Variants in RPS29 observed in about 807,000 individuals in gnomAD.
The protein encoded by RPS29 is small ribosomal subunit protein uS14.
For synonymous variants in RPS29, 37 were observed against 26.9 expected (o/e 1.37, Z -1.16); for missense variants, 60 against 75.7 (o/e 0.79, Z 0.77).
At chr14:49,590,655 G>A (rs141501913), upstream of RPS29, among the ~76,000 whole-genome samples, 596 of 151,658 alleles carry the variant, frequency 3.9e-3, 6 homozygotes, top group South Asian at 6.5e-3. Context: ...TCAGTATCAT[G>A]CCCCGGTTTT....
chr14:49,591,004 A>G (rs1314435069), upstream of RPS29, among the ~76,000 whole-genome samples: 1 of 151,816 alleles, frequency 6.6e-6, no homozygotes, highest in Non-Finnish European at 1.5e-5. Context: ...TTAGGTCTTT[A>G]TTAATAATTA....
intron 1 of RPS29, among the ~76,000 whole-genome samples, chr14:49,597,106 G>T (rs751322091): frequency 7.2e-5 from 11 of 152,006 alleles, no homozygotes; most frequent in Non-Finnish European, 1.5e-4. Flanking sequence ...TAGAGACGGG[G>T]TTTCACCATG....
chr14:49,596,726 T>A (rs896875515), intron 1 of RPS29, among the ~76,000 whole-genome samples: 27 of 151,966 alleles, frequency 1.8e-4, no homozygotes, highest in African/African-American at 5.8e-4. Flanking sequence ...ACTGAATCCA[T>A]GCTTCAACAA....
intron 1 of RPS29, among the ~76,000 whole-genome samples, chr14:49,595,692 C>T (rs1881805764): frequency 6.6e-6 from 1 of 152,098 alleles, no homozygotes; most frequent in Non-Finnish European, 1.5e-5. Context: ...GCAAAGTTCA[C>T]TATGACTACA....
chr14:49,582,358 G>A (rs949503011), downstream of RPS29, among the ~76,000 whole-genome samples: 4 of 152,124 alleles, frequency 2.6e-5, no homozygotes, highest in African/African-American at 9.7e-5. Flanking sequence ...TCACTCTTCA[G>A]CCACAACTTT....
At chr14:49,592,492 C>T (rs1225769805) in intron 1 of RPS29, among the ~76,000 whole-genome samples, 1 of 151,130 alleles carries the variant, frequency 6.6e-6, no homozygotes, top group Non-Finnish European at 1.5e-5. Flanking sequence ...CTCAGCCTCC[C>T]GAGTAGCTGG....
downstream of RPS29, among the ~76,000 whole-genome samples, chr14:49,581,492 C>T (rs908119407): frequency 1.3e-5 from 2 of 152,176 alleles, no homozygotes; most frequent in Non-Finnish European, 2.9e-5. Context: ...TTGCTCAGGC[C>T]AAAATCCTTG....
intron 2 of RPS29, among the ~76,000 whole-genome samples, chr14:49,584,279 G>T (rs975590748): frequency 6.6e-6 from 1 of 152,238 alleles, no homozygotes; most frequent in African/African-American, 2.4e-5. Context: ...GCCTGGCCCA[G>T]TTCATCTAGG....
chr14:49,589,428 T>C (rs1197108535), upstream of RPS29, among the ~76,000 whole-genome samples: 2 of 152,246 alleles, frequency 1.3e-5, no homozygotes, highest in African/African-American at 4.8e-5. Context: ...AGTATAGATC[T>C]TATTTTTAAG....
intron 2 of RPS29, among the ~76,000 whole-genome samples, chr14:49,584,800 C>A (rs550281709): frequency 2.0e-5 from 3 of 151,660 alleles, no homozygotes; most frequent in Non-Finnish European, 4.4e-5. Context: ...TAGAACAGTA[C>A]TATCCAATAC....
At position 49,586,016 on chromosome 14, in the gene RPS29, C is replaced by T; in HGVS notation, c.96G>A (p.Arg32=). ...GGCGGCACATATTGAGGCCATATTT[C>T]CGGATCAGACCGTGCCGGTTTGAAC... ...RVCSNRHGLI[R]KYGLNMCRQC... Residue 32 remains arginine (R), a synonymous_variant, in exon 2 of 3, where the codon CGG becomes CGA. Coordinates refer to ENST00000245458, the MANE Select transcript of RPS29 (RefSeq NM_001032.5). 6.2e-7 allele frequency: 1 copy of T among 1,614,008 alleles called. No individual in the cohort carries two copies. The highest frequency in any genetic ancestry group is 8.5e-7 in the Non-Finnish European group (1 of 1,179,880).
exon 3 of RPS29, chr14:49,577,556 CGTT>C: frequency 3.2e-6 from 2 of 619,836 alleles, no homozygotes; most frequent in South Asian, 3.4e-5. Flanking sequence ...AGCTCCTTAA[CGTT>C]GTGGACCAGG....
chr14:49,589,742 T>C (rs1881672305), upstream of RPS29, among the ~76,000 whole-genome samples: 1 of 152,252 alleles, frequency 6.6e-6, no homozygotes, highest in Non-Finnish European at 1.5e-5. Flanking sequence ...TGTATGTTCA[T>C]CGCAGCACTA....
exon 1 of RPS29, chr14:49,598,515 GC>G (rs1881890992): frequency 1.4e-6 from 1 of 702,306 alleles, no homozygotes; most frequent in Admixed American, 2.0e-5. Context: ...ACCACCAGCA[GC>G]CCGTCCGCGC....
downstream of RPS29, among the ~76,000 whole-genome samples, chr14:49,583,094 C>G (rs1037613491): frequency 1.6e-4 from 24 of 152,118 alleles, no homozygotes; most frequent in African/African-American, 5.3e-4. Context: ...CCACTCTGAC[C>G]TCCCAAAGTG....
exon 3 of RPS29, chr14:49,575,931 T>G (rs1272968027): frequency 6.6e-6 from 1 of 152,242 alleles, no homozygotes; most frequent in Non-Finnish European, 1.5e-5. Context: ...TAGATTAAGC[T>G]TGTGACTTTC....
At chr14:49,582,526 C>T (rs1007347827), downstream of RPS29, among the ~76,000 whole-genome samples, 1 of 152,196 alleles carries the variant, frequency 6.6e-6, no homozygotes, top group Non-Finnish European at 1.5e-5. Flanking sequence ...AAATAATGCA[C>T]ATTATTATGT....
At position 49,577,470 on chromosome 14, in the gene RPS29, G is replaced by A. The variant is rs1881215180; in HGVS notation, c.*342C>T. ...CCACCTGGGCTGCTCTTTCCAAGAT[G>A]GCTTTGCAGTTCTTGGAAGAAACAT... On this transcript the variant is annotated 3_prime_UTR_variant, in exon 3 of 3. Transcript: ENST00000396020. 3 of 452,088 alleles carry A rather than the reference G, an allele frequency of 6.6e-6. No individual in the cohort carries two copies. In the Admixed American group the frequency reaches 9.1e-5, roughly 14 times the overall value. The allele number at this position is 452,088 out of a possible 1,614,324, so 28.0% of individuals were successfully genotyped here.
chr14:49,596,467 A>C (rs1452699697), intron 1 of RPS29, among the ~76,000 whole-genome samples: 4 of 152,184 alleles, frequency 2.6e-5, no homozygotes, highest in African/African-American at 9.7e-5. Context: ...ACTAAGACCA[A>C]AAACTTTAGG....
Sources: allele counts gnomAD v4.1 joint callset (sites outside exome capture counted in the v4.1 genomes callset), GRCh38; gene constraint gnomAD v4.1.1; transcripts MANE v1.5; gene names NCBI Gene and HGNC (gene_info 2026-07-23, HGNC 2026-07-21).